LMO7: variants seen among roughly 807,000 people sequenced by gnomAD.
LMO7 encodes the protein LIM domain 7.
In LMO7, 120 loss-of-function variants were observed where a neutral mutation model predicts 206.5. That is an observed-to-expected ratio of 0.58 (90% CI 0.50 to 0.68). LMO7 has a LOEUF of 0.68. LMO7 is among the 30% of genes least tolerant of loss of function. The pLI, the probability that LMO7 is intolerant of heterozygous loss-of-function variation, is 0.00. For missense variants in LMO7, 1,959 were observed against 1,957.9 expected (o/e 1.00, Z -0.01); for synonymous variants, 706 against 681.5 (o/e 1.04, Z -0.56).
At chr13:75,833,557 T>C (rs1450669570) in intron 16 of LMO7, among the ~76,000 whole-genome samples, 1 of 152,150 alleles carries the variant, frequency 6.6e-6, no homozygotes, top group African/African-American at 2.4e-5. Context: ...TGTTCTAATA[T>C]ACCTATTGCC....
At chr13:75,855,841 A>G (rs2060884731) in intron 29 of LMO7, among the ~76,000 whole-genome samples, 1 of 152,212 alleles carries the variant, frequency 6.6e-6, no homozygotes, top group African/African-American at 2.4e-5. Flanking sequence ...ATAAGAAGGA[A>G]CTAAGGCTGT....
chr13:75,776,204 T>TATATATATATAA (rs1440052148), intron 4 of LMO7, among the ~76,000 whole-genome samples: 9 of 120,638 alleles, frequency 7.5e-5, no homozygotes, highest in Non-Finnish European at 1.1e-4. Flanking sequence ...TATATATATA[T>TATATATATATAA]AACGTTAAGT....
chr13:75,721,428 C>T (rs1001631236), intron 2 of LMO7, among the ~76,000 whole-genome samples: 17 of 152,230 alleles, frequency 1.1e-4, no homozygotes, highest in African/African-American at 3.6e-4. Context: ...GGTAGCTGGA[C>T]CGTCTGATTG....
intron 2 of LMO7, among the ~76,000 whole-genome samples, chr13:75,626,275 T>G (rs536488512): frequency 6.6e-6 from 1 of 151,958 alleles, no homozygotes; most frequent in East Asian, 1.9e-4. Context: ...TAATGGGACT[T>G]ATAGTTCCAC....
intron 14 of LMO7, among the ~76,000 whole-genome samples, chr13:75,822,634 A>G (rs2057689070): frequency 6.6e-6 from 1 of 151,584 alleles, no homozygotes; most frequent in Admixed American, 6.6e-5. Flanking sequence ...GAGGCATATA[A>G]CTTTTTACCC....
chr13:75,857,075 GTTTATGC>G (rs1250768842), intron 30 of LMO7: 1 of 152,464 alleles, frequency 6.6e-6, no homozygotes, highest in East Asian at 1.9e-4. Flanking sequence ...AAATAAGTCA[GTTTATGC>G]TTTATGTTAA....
intron 1 of LMO7, among the ~76,000 whole-genome samples, chr13:75,673,715 T>C (rs939712569): frequency 2.0e-5 from 3 of 152,254 alleles, no homozygotes; most frequent in African/African-American, 7.2e-5. Flanking sequence ...ACCATCTTTA[T>C]TATATACTGT....
chr13:75,658,965 T>C (rs1006358361), intron 1 of LMO7, among the ~76,000 whole-genome samples: 3 of 152,196 alleles, frequency 2.0e-5, no homozygotes, highest in African/African-American at 7.2e-5. Flanking sequence ...TCAACTCTTA[T>C]TAATTCTTAA....
intron 29 of LMO7, 56 bp from the exon 30 acceptor site, chr13:75,856,450 C>T (rs2060962759): frequency 3.9e-6 from 4 of 1,031,356 alleles, no homozygotes; most frequent in Non-Finnish European, 4.5e-6. Context: ...CCCAGGAGTG[C>T]CCCAAGCTTT....
intron 5 of LMO7, 51 bp from the exon 6 acceptor site, chr13:75,796,585 T>C (rs748807073): frequency 7.5e-6 from 8 of 1,067,120 alleles, no homozygotes; most frequent in South Asian, 5.2e-5. Context: ...GAGCTTGCAA[T>C]TGGTTGCTAA....
chr13:75,803,198 A>T (rs1225823164), intron 7 of LMO7, among the ~76,000 whole-genome samples: 1 of 151,840 alleles, frequency 6.6e-6, no homozygotes, highest in African/African-American at 2.4e-5. Context: ...CTCTCCTTTT[A>T]CTCTGTCCCT....
chr13:75,646,693 C>T (rs2037052274), intron 1 of LMO7, among the ~76,000 whole-genome samples: 1 of 152,088 alleles, frequency 6.6e-6, no homozygotes, highest in Non-Finnish European at 1.5e-5. Flanking sequence ...AAGCGATTCT[C>T]CTGCCTCAGC....
At chr13:75,740,476 A>G (rs2046324360) in intron 3 of LMO7, among the ~76,000 whole-genome samples, 1 of 152,228 alleles carries the variant, frequency 6.6e-6, no homozygotes, top group South Asian at 2.1e-4. Flanking sequence ...ACGTAAATTA[A>G]AGAAGCAAAA....
At chr13:75,659,473 A>G (rs1233471721) in intron 1 of LMO7, among the ~76,000 whole-genome samples, 1 of 152,234 alleles carries the variant, frequency 6.6e-6, no homozygotes, top group Non-Finnish European at 1.5e-5. Context: ...AGGCCTCAGA[A>G]TCATGGCGGG....
intron 1 of LMO7, among the ~76,000 whole-genome samples, chr13:75,699,610 C>T (rs536206635): frequency 2.2e-4 from 30 of 137,592 alleles, no homozygotes; most frequent in African/African-American, 7.2e-4. Flanking sequence ...TTAGGGGTTT[C>T]AAAAGGGGAG....
At chr13:75,713,675 T>G (rs1179499338) in intron 2 of LMO7, among the ~76,000 whole-genome samples, 1 of 152,188 alleles carries the variant, frequency 6.6e-6, no homozygotes, top group Non-Finnish European at 1.5e-5. Context: ...GGTAGATTTT[T>G]CCTTTAAGCT....
At chr13:75,767,516 C>T (rs945176196) in intron 4 of LMO7, among the ~76,000 whole-genome samples, 1 of 151,992 alleles carries the variant, frequency 6.6e-6, no homozygotes, top group African/African-American at 2.4e-5. Context: ...AGTCAAGTTA[C>T]CTGCCTTAGT....
chr13:75,813,481 G>A (rs1285313318), intron 11 of LMO7, among the ~76,000 whole-genome samples: 3 of 152,200 alleles, frequency 2.0e-5, no homozygotes, highest in African/African-American at 7.2e-5. Context: ...CACCATGGCT[G>A]GGCCTGCAGC....
rs147656419 is a variant in LMO7 at position 75,849,262 on chromosome 13, A to T, written c.4334A>T (p.Glu1445Val). Reference protein sequence around the residue: ...IRQRSASVNKEPVSLPGIMRR... With the variant: ...IRQRSASVNKVPVSLPGIMRR... ...CAGCGCAGTGCCAGTGTCAACAAAGAGCCTGTTAGTCTTCCTGGGATCATG... is the reference window on the plus strand; with the variant it reads ...CAGCGCAGTGCCAGTGTCAACAAAGTGCCTGTTAGTCTTCCTGGGATCATG... The change falls in exon 27 of 31, where the codon GAG (glutamate) becomes GTG (valine). Residue 1445 changes from glutamate to valine, a missense_variant. Physicochemically the swap from Glu to Val is moderately radical, Grantham distance 121. Transcript: ENST00000377534. 2.5e-6 allele frequency: 4 copies of T among 1,614,060 alleles called. No homozygotes were observed. In the South Asian group the frequency reaches 4.4e-5, roughly 18 times the overall value.
Sources: gnomAD v4.1 joint callset for allele counts (sites outside exome capture counted in the v4.1 genomes callset) on GRCh38, gnomAD v4.1.1 for gene constraint, MANE v1.5 for transcripts, NCBI Gene and HGNC (gene_info 2026-07-23, HGNC 2026-07-21) for gene names.